The following MYO1E variants were observed in gnomAD, a reference collection of about 807,000 sequenced individuals.
MYO1E encodes the protein unconventional myosin-Ie.
MYO1E carries 68 observed loss-of-function variants against 151.1 expected under a neutral mutation model. The observed-to-expected ratio is 0.45, with a 90% CI of 0.37 to 0.55. The LOEUF (loss-of-function observed/expected upper bound fraction) is 0.55, where lower values mean the gene tolerates loss of function less well. MYO1E is among the 20% of genes least tolerant of loss of function. The pLI is 0.00. For synonymous variants in MYO1E, 601 were observed against 501.7 expected, an observed-to-expected ratio of 1.20 and a Z score of -2.64; for missense variants, 1,363 against 1,389.3, an observed-to-expected ratio of 0.98 and a Z score of 0.30.
At chr15:59,190,485 C>T (rs756310578) in intron 17 of MYO1E, among the ~76,000 whole-genome samples, 5 of 152,136 alleles carry the variant, frequency 3.3e-5, no homozygotes, top group Non-Finnish European at 5.9e-5. Flanking sequence ...CTCATACTTG[C>T]GGATGTCTAC....
intron 25 of MYO1E, among the ~76,000 whole-genome samples, chr15:59,154,600 C>T (rs1283573856): frequency 2.0e-5 from 3 of 152,152 alleles, no homozygotes; most frequent in Admixed American, 1.3e-4. Flanking sequence ...TACCTAAAGA[C>T]CTCTTCCAAC....
intron 26 of MYO1E, among the ~76,000 whole-genome samples, chr15:59,151,061 GCA>G (rs762671348): frequency 0.032 from 4,811 of 148,718 alleles, 113 homozygotes; most frequent in African/African-American, 0.071. Context: ...GCGCGCGCGC[GCA>G]CGTGCACTTA....
chr15:59,137,060 T>TTTGA lies in MYO1E; in HGVS notation c.*316_*319dup, dbSNP rs2079377630. On this transcript the variant is annotated 3_prime_UTR_variant, in exon 28 of 28. Transcript: ENST00000288235. ...GCCTGGTGAGCAAGCAGGGTGCTGT[T>TTTGA]TTGATAGAAGCCTACAAGGTCTGAG... is the stretch of plus-strand genomic sequence containing the variant. The TTTGA allele has an allele frequency of 2.4e-6, 1 of 409,828 alleles. No individual in the cohort carries two copies. The highest frequency in any genetic ancestry group is 2.2e-5 in the South Asian group (1 of 45,464). The allele number at this position is 409,828 out of a possible 1,614,324, so 25.4% of individuals were successfully genotyped here.
At chr15:59,138,963 C>G (rs749119596) in intron 26 of MYO1E, among the ~76,000 whole-genome samples, 4 of 152,092 alleles carry the variant, frequency 2.6e-5, no homozygotes, top group African/African-American at 7.2e-5. Flanking sequence ...CTGCAGCTAT[C>G]GTTCCTTCAC....
chr15:59,240,117 A>C (rs936958882), intron 4 of MYO1E, among the ~76,000 whole-genome samples: 1 of 152,252 alleles, frequency 6.6e-6, no homozygotes, highest in African/African-American at 2.4e-5. Flanking sequence ...TACTCTAGAA[A>C]TTAGGAAAAT....
At chr15:59,194,382 G>A (rs2079753085) in intron 17 of MYO1E, among the ~76,000 whole-genome samples, 1 of 152,118 alleles carries the variant, frequency 6.6e-6, no homozygotes. Context: ...TTCTTACTAT[G>A]GATCTGTTTC....
At chr15:59,211,742 C>T (rs959816406) in intron 12 of MYO1E, among the ~76,000 whole-genome samples, 4 of 152,074 alleles carry the variant, frequency 2.6e-5, no homozygotes, top group Non-Finnish European at 5.9e-5. Flanking sequence ...AAGAATCACC[C>T]GTGATTGCTC....
chr15:59,241,497 G>A (rs2414622), intron 4 of MYO1E, among the ~76,000 whole-genome samples: 68,312 of 152,060 alleles, frequency 0.45, 18,699 homozygotes, highest in Non-Finnish European at 0.62. Context: ...TTCAAGAGCA[G>A]CAAGAGCAGC....
chr15:59,283,086 G>C (rs1344216181), intron 1 of MYO1E, among the ~76,000 whole-genome samples: 1 of 150,494 alleles, frequency 6.6e-6, no homozygotes, highest in Admixed American at 6.6e-5. Flanking sequence ...CCTCATCCCA[G>C]GGAGACGGGC....
At chr15:59,176,992 A>C (rs1199725425) in intron 19 of MYO1E, among the ~76,000 whole-genome samples, 1 of 152,186 alleles carries the variant, frequency 6.6e-6, no homozygotes, top group African/African-American at 2.4e-5. Context: ...ACGCAACTGA[A>C]GCAGAAAAAA....
intron 1 of MYO1E, among the ~76,000 whole-genome samples, chr15:59,322,791 A>G (rs570287245): frequency 6.6e-6 from 1 of 152,294 alleles, no homozygotes; most frequent in African/African-American, 2.4e-5. Context: ...CATATCTTAA[A>G]CCAGAATATG....
intron 22 of MYO1E, among the ~76,000 whole-genome samples, chr15:59,170,598 C>A (rs12438396): frequency 0.29 from 43,098 of 150,310 alleles, 6,673 homozygotes; most frequent in East Asian, 0.59. Context: ...AAAAAAAAAA[C>A]AAAAAAAACA....
Position 59,208,646 on chromosome 15 carries a change from A to C in MYO1E, c.1530+35T>G, listed in dbSNP as rs1239548135. On this transcript the variant is annotated intron_variant, in intron 14 of 27. Coordinates refer to ENST00000288235, the MANE Select transcript of MYO1E (RefSeq NM_004998.4). ...ACCAGATCACAAACCCAAAGGCTTA[A>C]AACAGATAGACATTAAAATGGATAT... The C allele has an allele frequency of 2.5e-6, 4 of 1,613,320 alleles. No individual in the cohort carries two copies. In the South Asian group the frequency reaches 4.4e-5, roughly 18 times the overall value.
At chr15:59,259,118 C>T (rs534812103) in intron 3 of MYO1E, among the ~76,000 whole-genome samples, 148 of 152,214 alleles carry the variant, frequency 9.7e-4, no homozygotes, top group Non-Finnish European at 1.1e-3. Flanking sequence ...TTTTGGTCAT[C>T]CTCTCAATTT....
intron 24 of MYO1E, 25 bp downstream of exon 24, chr15:59,161,048 C>T: frequency 6.2e-7 from 1 of 1,612,356 alleles, no homozygotes; most frequent in Non-Finnish European, 8.5e-7. Flanking sequence ...GGCAGTTCTG[C>T]CTGCAGGGCC....
In MYO1E at chr15:59,261,503, T is replaced by C. The variant is rs899234995; in HGVS notation, c.154A>G (p.Ile52Val). Reference sequence around the variant, plus strand: ...TTGACTGAGATTAATACAGATCCTATATATGTCTGAATTTAACTCAGTTAA... The same window carrying C: ...TTGACTGAGATTAATACAGATCCTACATATGTCTGAATTTAACTCAGTTAA... ...RYMDDYIFTYIGSVLISVNPF... is the reference protein window; with the variant it reads ...RYMDDYIFTYVGSVLISVNPF... Residue 52 changes from isoleucine (I) to valine (V), a missense_variant, in exon 3 of 28, where the codon ATA becomes GTA. Transcript: ENST00000288235. 5 of 1,593,866 alleles carry C rather than the reference T, an allele frequency of 3.1e-6. No individual in the cohort carries two copies. Among genetic ancestry groups the C allele is most frequent in the South Asian group, 1.1e-5 (1 of 90,666 alleles).
chr15:59,166,048 A>G (rs1423804204), intron 22 of MYO1E, among the ~76,000 whole-genome samples: 1 of 152,214 alleles, frequency 6.6e-6, no homozygotes, highest in African/African-American at 2.4e-5. Context: ...TACTATTATA[A>G]CGAAAAAAGC....
In MYO1E at chr15:59,325,067, G is replaced by T. The variant is rs890634620; in HGVS notation, c.3+47431C>A. 4.7e-5 allele frequency among the ~76,000 whole-genome samples: 7 copies of T among 149,032 alleles called. No individual in the cohort carries two copies. In the Admixed American group the frequency reaches 4.7e-4, roughly 10 times the overall value. ...TTTTTTATTTCTGGGACAGAATCTC[G>T]CTCTATCGCCAGGCTGGAGTGCAGT... On this transcript the variant is annotated intron_variant, in intron 1 of 27. Transcript: ENST00000288235.
intron 1 of MYO1E, among the ~76,000 whole-genome samples, chr15:59,313,703 C>T (rs2080567454): frequency 6.6e-6 from 1 of 152,114 alleles, no homozygotes; most frequent in South Asian, 2.1e-4. Context: ...GGCTCTGTAG[C>T]CCCTTGTTAA....
Sources: gnomAD v4.1 joint callset for allele counts (sites outside exome capture counted in the v4.1 genomes callset) on GRCh38, gnomAD v4.1.1 for gene constraint, MANE v1.5 for transcripts, NCBI Gene and HGNC (gene_info 2026-07-23, HGNC 2026-07-21) for gene names.